NPFFR2: variants seen among roughly 807,000 people sequenced by gnomAD.
NPFFR2 encodes the protein neuropeptide FF receptor 2.
NPFFR2 carries 15 observed loss-of-function variants against 13.1 expected under a neutral mutation model. The observed-to-expected ratio is 1.15, with a 90% CI of 0.77 to 1.76. The LOEUF (loss-of-function observed/expected upper bound fraction) is 1.76, where lower values mean the gene tolerates loss of function less well. NPFFR2 is among the 40% of genes most tolerant of loss of function. The pLI is 0.00. For synonymous variants in NPFFR2, 190 were observed against 175.7 expected (o/e 1.08, Z -0.65); for missense variants, 572 against 503.5 (o/e 1.14, Z -1.30).
intron 2 of NPFFR2, among the ~76,000 whole-genome samples, chr4:72,134,297 C>A (rs534294268): frequency 6.6e-6 from 1 of 152,188 alleles, no homozygotes; most frequent in East Asian, 1.9e-4. Flanking sequence ...CCATCTTTAG[C>A]TCTTTGTTTG....
At chr4:72,113,206 T>A (rs1026111281) in intron 1 of NPFFR2, among the ~76,000 whole-genome samples, 9 of 152,108 alleles carry the variant, frequency 5.9e-5, no homozygotes, top group Admixed American at 1.3e-4. Context: ...AAGTATGCCT[T>A]CCATGACAGG....
intron 1 of NPFFR2, among the ~76,000 whole-genome samples, chr4:72,071,204 G>C (rs1363022475): frequency 6.6e-6 from 1 of 152,144 alleles, no homozygotes; most frequent in African/African-American, 2.4e-5. Context: ...CTCATGCACA[G>C]ACATGTTTAA....
intron 3 of NPFFR2, 93 bp downstream of exon 3, chr4:72,138,232 CTTTT>C: frequency 2.6e-6 from 2 of 767,290 alleles, no homozygotes; most frequent in Non-Finnish European, 4.4e-6. Flanking sequence ...TTGGACATAT[CTTTT>C]CAAATTGTAT....
At position 72,147,097 on chromosome 4, in the gene NPFFR2, A is replaced by G. The variant is rs544970340; in HGVS notation, c.548A>G (p.His183Arg). 7.4e-6 allele frequency: 12 copies of G among 1,614,084 alleles called. No individual in the cohort carries two copies. The East Asian group carries it at 2.5e-4, about 33-fold the overall frequency. ...ATGTCTCCATCTGCAGTAATGTTAC[A>G]TGTGCAAGAAGAAAAATATTACCGA... ...TIMSPSAVML[H>R]VQEEKYYRVR... Residue 183 changes from histidine to arginine, a missense_variant, in exon 4 of 4, where the codon CAT becomes CGT. Coordinates refer to ENST00000308744, the MANE Select transcript of NPFFR2 (RefSeq NM_004885.3).
chr4:72,130,015 A>G (rs1243456675), intron 2 of NPFFR2, among the ~76,000 whole-genome samples: 2 of 142,194 alleles, frequency 1.4e-5, no homozygotes, highest in East Asian at 2.1e-4. Flanking sequence ...AATCCATTCA[A>G]CTCTGAGTTG....
chr4:72,084,753 T>C (rs901775978), intron 1 of NPFFR2, among the ~76,000 whole-genome samples: 2 of 152,140 alleles, frequency 1.3e-5, no homozygotes, highest in East Asian at 1.9e-4. Flanking sequence ...TGAGGGACAC[T>C]GAATGCCTTA....
chr4:72,068,983 T>A, intron 1 of NPFFR2: 1 of 1,431,588 alleles, frequency 7.0e-7, no homozygotes, highest in Middle Eastern at 1.8e-4. Flanking sequence ...AAAGATTGAA[T>A]GTCTTAATAA....
At chr4:72,050,766 C>A (rs1423101384) in intron 1 of NPFFR2, among the ~76,000 whole-genome samples, 1 of 148,738 alleles carries the variant, frequency 6.7e-6, no homozygotes, top group Non-Finnish European at 1.5e-5. Flanking sequence ...CTCCCACCTC[C>A]CCCCACCCCA....
At chr4:72,104,441 T>G (rs2109813276) in intron 1 of NPFFR2, among the ~76,000 whole-genome samples, 1 of 152,214 alleles carries the variant, frequency 6.6e-6, no homozygotes, top group Non-Finnish European at 1.5e-5. Context: ...TATAGTGAAC[T>G]TCCTGGTTGA....
chr4:72,141,785 G>A (rs1722635262), intron 3 of NPFFR2, among the ~76,000 whole-genome samples: 1 of 152,108 alleles, frequency 6.6e-6, no homozygotes, highest in Non-Finnish European at 1.5e-5. Flanking sequence ...TCCACTTGTT[G>A]CGAGCTGAGT....
chr4:72,092,963 G>A (rs974967975), intron 1 of NPFFR2, among the ~76,000 whole-genome samples: 2 of 152,024 alleles, frequency 1.3e-5, no homozygotes, highest in Non-Finnish European at 2.9e-5. Flanking sequence ...TTCTATTTTG[G>A]TATATTTTGA....
At chr4:72,103,453 A>G (rs187666973) in intron 1 of NPFFR2, among the ~76,000 whole-genome samples, 2 of 152,166 alleles carry the variant, frequency 1.3e-5, no homozygotes, top group Non-Finnish European at 2.9e-5. Context: ...TTGATCTTGG[A>G]CTTTCCAGCC....
chr4:72,102,213 A>G (rs1578456151), intron 1 of NPFFR2, among the ~76,000 whole-genome samples: 1 of 152,222 alleles, frequency 6.6e-6, no homozygotes, highest in South Asian at 2.1e-4. Context: ...TACGAGATCA[A>G]TTGGGTCCTG....
intron 3 of NPFFR2, chr4:72,146,537 T>A (rs1382319222): frequency 6.0e-6 from 1 of 165,682 alleles, no homozygotes; most frequent in Admixed American, 5.9e-5. Flanking sequence ...GCCTAAGAGC[T>A]ACCCATCTAA....
At chr4:72,081,777 C>T (rs1022778296) in intron 1 of NPFFR2, among the ~76,000 whole-genome samples, 1 of 152,166 alleles carries the variant, frequency 6.6e-6, no homozygotes, top group African/African-American at 2.4e-5. Flanking sequence ...AGGCATGAGC[C>T]ACCACACTCA....
intron 1 of NPFFR2, among the ~76,000 whole-genome samples, chr4:72,089,129 A>G (rs1240896697): frequency 6.6e-6 from 1 of 152,028 alleles, no homozygotes; most frequent in African/African-American, 2.4e-5. Flanking sequence ...ATGGTTTTCA[A>G]TCTTATCCAG....
chr4:72,068,252 G>A (rs1412868729), intron 1 of NPFFR2, among the ~76,000 whole-genome samples: 2 of 152,166 alleles, frequency 1.3e-5, no homozygotes, highest in Non-Finnish European at 2.9e-5. Context: ...CAAGATGTGG[G>A]CAGGTTAGTT....
At chr4:72,086,034 C>T (rs1481324272) in intron 1 of NPFFR2, among the ~76,000 whole-genome samples, 1 of 151,926 alleles carries the variant, frequency 6.6e-6, no homozygotes, top group African/African-American at 2.4e-5. Context: ...TATCAATGTG[C>T]CATTGGTTAT....
chr4:72,054,196 T>A (rs1359763031), intron 1 of NPFFR2, among the ~76,000 whole-genome samples: 1 of 151,912 alleles, frequency 6.6e-6, no homozygotes, highest in Non-Finnish European at 1.5e-5. Context: ...CAATTTTTTT[T>A]AAATGAACAA....
Sources: gnomAD v4.1 joint callset for allele counts (sites outside exome capture counted in the v4.1 genomes callset) on GRCh38, gnomAD v4.1.1 for gene constraint, MANE v1.5 for transcripts, NCBI Gene and HGNC (gene_info 2026-07-23, HGNC 2026-07-21) for gene names.